Variants in MED27 observed in about 807,000 individuals in gnomAD.
MED27 encodes the protein mediator of RNA polymerase II transcription subunit 27.
In MED27, 30 loss-of-function variants were observed where a neutral mutation model predicts 38.2. The ratio of observed to expected loss-of-function variants is 0.79; its 90% CI spans 0.59 to 1.07. MED27 has a LOEUF of 1.07. MED27 is among the 50% of genes least tolerant of loss of function. MED27 has a pLI of 0.00. For synonymous variants in MED27, 122 were observed against 153.5 expected, an observed-to-expected ratio of 0.79 and a Z score of 1.52; for missense variants, 289 against 397.5, an observed-to-expected ratio of 0.73 and a Z score of 2.32.
At chr9:131,911,861 CT>C (rs1830194752) in intron 4 of MED27, among the ~76,000 whole-genome samples, 1 of 152,156 alleles carries the variant, frequency 6.6e-6, no homozygotes, top group Admixed American at 6.5e-5. Flanking sequence ...ACATATTTTA[CT>C]TTTCCTTCCC....
intron 1 of MED27, 94 bp downstream of exon 1, chr9:132,079,548 G>C: frequency 1.7e-6 from 2 of 1,175,542 alleles, no homozygotes; most frequent in Non-Finnish European, 2.5e-6. Context: ...AAGGGAAACG[G>C]AGAACAGCCC....
At chr9:132,019,521 A>T (rs1832674619) in intron 2 of MED27, among the ~76,000 whole-genome samples, 1 of 152,198 alleles carries the variant, frequency 6.6e-6, no homozygotes, top group African/African-American at 2.4e-5. Flanking sequence ...CCAAGCTCAA[A>T]AGAAAAGGGG....
chr9:131,942,284 A>T (rs1830802509), intron 3 of MED27, among the ~76,000 whole-genome samples: 1 of 152,212 alleles, frequency 6.6e-6, no homozygotes, highest in Non-Finnish European at 1.5e-5. Context: ...AGAAGTGAAG[A>T]AAGGAGGAAA....
intron 3 of MED27, among the ~76,000 whole-genome samples, chr9:132,002,938 AAAAG>A (rs1467109601): frequency 2.0e-5 from 3 of 151,734 alleles, no homozygotes; most frequent in African/African-American, 7.2e-5. Context: ...AGAAAAAAGA[AAAAG>A]AAAAGAAACC....
At chr9:131,992,171 TGA>T (rs948574172) in intron 3 of MED27, among the ~76,000 whole-genome samples, 6 of 152,192 alleles carry the variant, frequency 3.9e-5, no homozygotes, top group South Asian at 2.1e-4. Context: ...GTAAGAAATA[TGA>T]GAGTGTGTGT....
intron 5 of MED27, among the ~76,000 whole-genome samples, chr9:131,886,279 T>A (rs894227297): frequency 6.6e-6 from 1 of 152,156 alleles, no homozygotes; most frequent in Non-Finnish European, 1.5e-5. Flanking sequence ...GTAGAGAAGG[T>A]TAAGATGATT....
rs1831757801 is a variant in MED27 at position 131,982,488 on chromosome 9, A to T, written c.479+31849T>A. On this transcript the variant is annotated intron_variant, in intron 3 of 7. Coordinates refer to ENST00000292035, the MANE Select transcript of MED27 (RefSeq NM_004269.4). The surrounding 1 kb of genome is among the most constrained non-coding windows in gnomAD (Gnocchi z 4.3). ...GTAAATAAAATGTTTTGTTGTAAGT[A>T]GCCAAGTTTTGTCATGGTTTGCTAT... Among the ~76,000 whole-genome samples, 1 of 152,238 alleles carries T rather than the reference A, an allele frequency of 6.6e-6. No individual in the cohort carries two copies. Among genetic ancestry groups the T allele is most frequent in the Non-Finnish European group, 1.5e-5 (1 of 68,050 alleles).
At position 131,997,136 on chromosome 9, in the gene MED27, CCTTAT is replaced by C. The variant is rs1832108487; in HGVS notation, c.479+17196_479+17200del. ...AGCCAAGTTTTTCTCCTCTGTAAGC[CCTTAT>C]CTTATCATGTTGAAAGGTTGTACAA... On this transcript the variant is annotated intron_variant, in intron 3 of 7. Coordinates refer to ENST00000292035, the MANE Select transcript of MED27 (RefSeq NM_004269.4). This position sits in a 1 kb window ranked among gnomAD's most constrained non-coding sequence, Gnocchi z 4.0. 6.6e-6 allele frequency among the ~76,000 whole-genome samples: 1 copy of C among 151,748 alleles called. No individual in the cohort carries two copies. Among genetic ancestry groups the C allele is most frequent in the Non-Finnish European group, 1.5e-5 (1 of 67,980 alleles).
chr9:131,901,249 A>C (rs1159306145), intron 4 of MED27, among the ~76,000 whole-genome samples: 1 of 152,220 alleles, frequency 6.6e-6, no homozygotes, highest in East Asian at 1.9e-4. Context: ...GGCTAAGGTA[A>C]GTGAGTGCAG....
intron 3 of MED27, among the ~76,000 whole-genome samples, chr9:131,993,320 G>C (rs1266970299): frequency 6.6e-6 from 1 of 152,096 alleles, no homozygotes; most frequent in African/African-American, 2.4e-5. Context: ...CTAGGGGAAG[G>C]GGGAGAAATG....
At chr9:131,915,628 A>G (rs1336288425) in intron 4 of MED27, among the ~76,000 whole-genome samples, 4 of 152,258 alleles carry the variant, frequency 2.6e-5, no homozygotes, top group Non-Finnish European at 5.9e-5. Context: ...AACAAGGCCT[A>G]CAACATTTCA....
At chr9:132,011,914 T>C (rs1832493730) in intron 3 of MED27, among the ~76,000 whole-genome samples, 1 of 151,702 alleles carries the variant, frequency 6.6e-6, no homozygotes, top group African/African-American at 2.4e-5. Context: ...TGATTTATTA[T>C]AAATTTATAA....
intron 2 of MED27, among the ~76,000 whole-genome samples, chr9:132,072,144 C>T (rs75571375): frequency 0.011 from 1,716 of 152,302 alleles, 15 homozygotes; most frequent in Non-Finnish European, 0.017. Context: ...AACACACGTT[C>T]CATAAATGAG....
intron 4 of MED27, among the ~76,000 whole-genome samples, chr9:131,910,125 G>GTTTA (rs1830160529): frequency 6.6e-6 from 1 of 152,156 alleles, no homozygotes; most frequent in African/African-American, 2.4e-5. Context: ...TAAGAGTCTT[G>GTTTA]TTTATTCCTA....
intron 3 of MED27, among the ~76,000 whole-genome samples, chr9:131,979,483 C>CAAAAAA (rs36197993): frequency 7.8e-6 from 1 of 127,744 alleles, no homozygotes; most frequent in African/African-American, 3.1e-5. Flanking sequence ...AAAGCTGTTC[C>CAAAAAA]AAAAAAAAAA....
rs1367875857 is a variant in MED27, at chr9:131,997,851, G to A, written c.479+16486C>T. ...TCAAACTACATGAGTGCTCTATGCG[G>A]TGGCTTTCATTATTAACCAGTCCGA... On this transcript the variant is annotated intron_variant, in intron 3 of 7. Transcript: ENST00000292035. This position sits in a 1 kb window ranked among gnomAD's most constrained non-coding sequence, Gnocchi z 4.0. Among the ~76,000 whole-genome samples, 1 of 152,208 alleles carries A rather than the reference G, an allele frequency of 6.6e-6. No homozygotes were observed. The highest frequency in any genetic ancestry group is 1.5e-5 in the Non-Finnish European group (1 of 68,032).
chr9:132,073,608 A>G, intron 2 of MED27: 1 of 1,432,324 alleles, frequency 7.0e-7, no homozygotes, highest in Non-Finnish European at 9.1e-7. Flanking sequence ...TCAGAGATAG[A>G]TGTGAGAGGT....
chr9:131,944,493 T>C (rs1025032590), intron 3 of MED27, among the ~76,000 whole-genome samples: 1 of 151,946 alleles, frequency 6.6e-6, no homozygotes, highest in Admixed American at 6.6e-5. Context: ...TAAAAGACTG[T>C]TGGGTTTTCT....
At chr9:131,923,096 T>C (rs1293583196) in intron 4 of MED27, among the ~76,000 whole-genome samples, 2 of 152,226 alleles carry the variant, frequency 1.3e-5, no homozygotes. Flanking sequence ...TCACTGTTGC[T>C]GGGGTCTCAC....
Sources: allele counts gnomAD v4.1 joint callset (sites outside exome capture counted in the v4.1 genomes callset), GRCh38; gene constraint gnomAD v4.1.1; non-coding constraint Gnocchi (gnomAD v3.1); transcripts MANE v1.5; gene names NCBI Gene and HGNC (gene_info 2026-07-23, HGNC 2026-07-21).